Variants in LRRC69 observed in about 807,000 individuals in gnomAD.
The protein encoded by LRRC69 is leucine rich repeat containing 69.
Under a neutral mutation model 37.8 loss-of-function variants are expected in LRRC69, and 42 were observed. The observed-to-expected ratio is 1.11, with a 90% CI of 0.87 to 1.44. The LOEUF (loss-of-function observed/expected upper bound fraction) is 1.44. Ranked by LOEUF, LRRC69 falls within the 40% of genes most tolerant of loss-of-function variation. The pLI is 0.00. For synonymous variants in LRRC69, 141 were observed against 143.1 expected, an observed-to-expected ratio of 0.99 and a Z score of 0.11; for missense variants, 357 against 401.9, an observed-to-expected ratio of 0.89 and a Z score of 0.96.
intron 5 of LRRC69, chr8:91,158,017 T>G (rs1233186802): frequency 7.6e-7 from 1 of 1,317,360 alleles, no homozygotes; most frequent in African/African-American, 1.5e-5. Context: ...TTCATGCAGA[T>G]GTTGGAGACA....
chr8:91,114,547 G>A (rs1372815561), intron 1 of LRRC69, among the ~76,000 whole-genome samples: 2 of 151,958 alleles, frequency 1.3e-5, no homozygotes, highest in Non-Finnish European at 2.9e-5. Flanking sequence ...GGTCCCATAA[G>A]ATTATACGGT....
At chr8:91,189,716 C>A in intron 6 of LRRC69, 93 bp downstream of exon 6, 3 of 808,584 alleles carry the variant, frequency 3.7e-6, no homozygotes, top group East Asian at 2.7e-5. Context: ...GCCAAGCCAG[C>A]AAATGATTAA....
intron 1 of LRRC69, among the ~76,000 whole-genome samples, chr8:91,113,388 A>C (rs1813444321): frequency 6.6e-6 from 1 of 152,096 alleles, no homozygotes; most frequent in East Asian, 1.9e-4. Context: ...ATGGGACAGA[A>C]TAGAGAGCCC....
intron 5 of LRRC69, among the ~76,000 whole-genome samples, chr8:91,155,317 T>C (rs531698078): frequency 1.3e-5 from 2 of 151,020 alleles, no homozygotes; most frequent in Admixed American, 6.6e-5. Flanking sequence ...TTCTATTACA[T>C]ACCTCCATCT....
chr8:91,138,317 CAT>C (rs1306707312), intron 5 of LRRC69, among the ~76,000 whole-genome samples: 2 of 151,856 alleles, frequency 1.3e-5, no homozygotes, highest in African/African-American at 4.8e-5. Context: ...AATATTCAAA[CAT>C]ATATAAAAAC....
chr8:91,172,040 T>G (rs1157150320), intron 5 of LRRC69, among the ~76,000 whole-genome samples: 1 of 152,010 alleles, frequency 6.6e-6, no homozygotes, highest in East Asian at 1.9e-4. Flanking sequence ...TCATACATGC[T>G]TTGTAATGTA....
intron 7 of LRRC69, among the ~76,000 whole-genome samples, chr8:91,215,896 G>A (rs1810037077): frequency 1.3e-5 from 2 of 152,138 alleles, no homozygotes; most frequent in Admixed American, 1.3e-4. Flanking sequence ...AGTAGAAACA[G>A]TTGCAATAAT....
At chr8:91,132,236 C>T (rs1413725569) in intron 3 of LRRC69, among the ~76,000 whole-genome samples, 2 of 151,800 alleles carry the variant, frequency 1.3e-5, no homozygotes, top group Middle Eastern at 3.2e-3. Flanking sequence ...ACATTGTTAC[C>T]TACTAGATAG....
chr8:91,156,678 C>A (rs1215647047), intron 5 of LRRC69, among the ~76,000 whole-genome samples: 2 of 150,794 alleles, frequency 1.3e-5, no homozygotes, highest in Non-Finnish European at 3.0e-5. Flanking sequence ...TTGAGTCTTA[C>A]CCACAAAATC....
At chr8:91,166,271 C>T (rs961597057) in intron 5 of LRRC69, among the ~76,000 whole-genome samples, 1 of 151,690 alleles carries the variant, frequency 6.6e-6, no homozygotes, top group Non-Finnish European at 1.5e-5. Context: ...TTGTCACCAT[C>T]AAAGCTCCAG....
exon 8 of LRRC69, chr8:91,219,000 G>T (rs1361147487): frequency 6.6e-7 from 1 of 1,523,390 alleles, no homozygotes. Flanking sequence ...CTCAGGTGTA[G>T]AACAGGTGAG....
At chr8:91,153,668 A>C (rs1586250701) in intron 5 of LRRC69, among the ~76,000 whole-genome samples, 2 of 152,050 alleles carry the variant, frequency 1.3e-5, no homozygotes, top group Admixed American at 6.6e-5. Flanking sequence ...GGAAACAGTG[A>C]GAACAAAGAG....
chr8:91,114,128 G>A (rs1813464035), intron 1 of LRRC69, among the ~76,000 whole-genome samples: 1 of 151,866 alleles, frequency 6.6e-6, no homozygotes, highest in Non-Finnish European at 1.5e-5. Context: ...TTTTACACAT[G>A]TTAGAATGGC....
At chr8:91,133,221 G>T (rs757745502) in exon 4 of LRRC69, 12 of 1,542,162 alleles carry the variant, frequency 7.8e-6, no homozygotes, top group Non-Finnish European at 8.7e-6. Flanking sequence ...ACAATCAGCT[G>T]ATATGCATAC....
intron 1 of LRRC69, among the ~76,000 whole-genome samples, chr8:91,106,718 T>C (rs1361870570): frequency 6.6e-6 from 1 of 152,004 alleles, no homozygotes; most frequent in Non-Finnish European, 1.5e-5. Flanking sequence ...CAATTTATAG[T>C]TCTTAAAAAC....
At chr8:91,158,955 T>C (rs13277179) in intron 5 of LRRC69, among the ~76,000 whole-genome samples, 8,750 of 151,264 alleles carry the variant, frequency 0.058, 320 homozygotes, top group Middle Eastern at 0.16. Flanking sequence ...TAATGATACA[T>C]GACTGACACT....
rs1809534180 is a variant in LRRC69, at chr8:91,193,297, G to T, written c.753+3674G>T. 2.1e-5 allele frequency among the ~76,000 whole-genome samples: 3 copies of T among 140,694 alleles called. No homozygotes were observed. The South Asian group carries it at 7.2e-4, about 34-fold the overall frequency. 92.3% of individuals were successfully genotyped at this position (140,694 alleles called of 152,430 possible). A position where few individuals can be genotyped will look rare whatever the true frequency, so the allele number is the denominator to read the frequency against. ...CAGGTAGTGTGATGCCTCCAGCTTT[G>T]TTCTTTTGGCTTAGGATTGACTTGG... On this transcript the variant is annotated intron_variant, in intron 6 of 7. Transcript: ENST00000448384.
chr8:91,129,184 A>G lies in LRRC69; in HGVS notation c.383+2024A>G, dbSNP rs527966776. ...CGCTGCACAGGCACAGGAAGAGGAC[A>G]GCATGGGCATCCTGGTGACAGAATG... On this transcript the variant is annotated intron_variant, in intron 3 of 7. Coordinates refer to ENST00000448384, the Ensembl canonical transcript of LRRC69. Among the ~76,000 whole-genome samples, 780 of 152,144 alleles carry G rather than the reference A, an allele frequency of 5.1e-3. 7 individuals carry two copies. The highest frequency in any genetic ancestry group is 8.4e-3 in the Admixed American group (128 of 15,260).
At chr8:91,121,571 A>G (rs975655060) in intron 1 of LRRC69, among the ~76,000 whole-genome samples, 2 of 151,996 alleles carry the variant, frequency 1.3e-5, no homozygotes, top group African/African-American at 4.8e-5. Flanking sequence ...CAGTCTATAT[A>G]TCAACTTCTA....
Sources: gnomAD v4.1 joint callset for allele counts (sites outside exome capture counted in the v4.1 genomes callset) on GRCh38, gnomAD v4.1.1 for gene constraint, MANE v1.5 for transcripts, NCBI Gene and HGNC (gene_info 2026-07-23, HGNC 2026-07-21) for gene names.